STRBP: variants seen among roughly 807,000 people sequenced by gnomAD.
The protein encoded by STRBP is spermatid perinuclear RNA binding protein.
Under a neutral mutation model 80.1 loss-of-function variants are expected in STRBP, and 13 were observed. That is an observed-to-expected ratio of 0.16 (90% CI 0.11 to 0.26). The LOEUF (loss-of-function observed/expected upper bound fraction) is 0.26, where lower values mean the gene tolerates loss of function less well. Ranked by LOEUF, STRBP falls within the 10% of genes least tolerant of loss-of-function variation. The probability of loss-of-function intolerance (pLI) is 1.00; values close to 1 mark genes in which losing one functional copy is unlikely to be tolerated. For missense variants in STRBP, 485 were observed against 815.2 expected (o/e 0.59, Z 4.93); for synonymous variants, 284 against 291.2 (o/e 0.98, Z 0.25).
At chr9:123,244,313 G>A (rs1327802879) in intron 1 of STRBP, among the ~76,000 whole-genome samples, 1 of 152,182 alleles carries the variant, frequency 6.6e-6, no homozygotes, top group African/African-American at 2.4e-5. Context: ...GTACAGGAGG[G>A]CTGAACAGGT....
chr9:123,260,759 G>A (rs1429895251), intron 1 of STRBP, among the ~76,000 whole-genome samples: 1 of 152,132 alleles, frequency 6.6e-6, no homozygotes, highest in Non-Finnish European at 1.5e-5. Flanking sequence ...TTGTGAGTGA[G>A]GGCTGAGCAG....
At chr9:123,237,084 C>G (rs1247649264) in intron 1 of STRBP, 118 bp from the exon 2 acceptor site, 1 of 152,248 alleles carries the variant, frequency 6.6e-6, no homozygotes, top group African/African-American at 2.4e-5. Flanking sequence ...TAGTACAGAG[C>G]CGAGATTGAG....
intron 3 of STRBP, chr9:123,114,326 G>A (rs1292011585): frequency 6.0e-6 from 1 of 167,154 alleles, no homozygotes; most frequent in East Asian, 1.9e-4. Context: ...GGTCCTTTCC[G>A]TCCTTCAAGA....
chr9:123,215,093 C>A (rs1281750027), intron 2 of STRBP, among the ~76,000 whole-genome samples: 4 of 151,734 alleles, frequency 2.6e-5, no homozygotes, highest in Admixed American at 6.6e-5. Context: ...AAGAGATGGG[C>A]TCTTACTCTG....
Position 123,136,389 on chromosome 9 carries a change from C to T in STRBP, c.1624G>A (p.Val542Ile). 1.2e-6 allele frequency: 2 copies of T among 1,614,046 alleles called. No individual in the cohort carries two copies. The highest frequency in any genetic ancestry group is 1.7e-6 in the Non-Finnish European group (2 of 1,179,970). ...ETGGSHDKRFVMEVEVDGQKF... is the reference protein window; with the variant it reads ...ETGGSHDKRFIMEVEVDGQKF... ...TGTGTCTGGGTACACACCTCCATTA[C>T]AAAGCGCTTGTCATGGCTTCCACCA... Residue 542 changes from valine (V) to isoleucine (I), a missense_variant, in exon 15 of 19, where the codon GTA (valine) becomes ATA (isoleucine). Val to Ile is a conservative substitution (Grantham distance 29, BLOSUM62 3). This residue lies in a region of STRBP where 23 missense variants were observed against 79.0 expected (regional missense o/e 0.29). Coordinates refer to ENST00000348403, the MANE Select transcript of STRBP (RefSeq NM_018387.5). This position sits in a 1 kb window ranked among gnomAD's most constrained non-coding sequence, Gnocchi z 4.2.
intron 4 of STRBP, 41 bp from the exon 5 acceptor site, chr9:123,173,883 T>C (rs1588042976): frequency 6.4e-7 from 1 of 1,557,794 alleles, no homozygotes; most frequent in East Asian, 2.3e-5. Context: ...ACAACCTATT[T>C]CCCAAACTAT....
intron 1 of STRBP, among the ~76,000 whole-genome samples, chr9:123,247,154 GCTAT>G (rs2040816340): frequency 6.6e-6 from 1 of 152,116 alleles, no homozygotes; most frequent in Non-Finnish European, 1.5e-5. Context: ...CCCTCAAAAA[GCTAT>G]CCTTTGAAAA....
rs576176950 is a variant in STRBP at position 123,125,964 on chromosome 9, G to A, written c.1943-291C>T. Reference sequence around the variant, plus strand: ...TCTGAAAATCAAAAGCAATGCTATTGAATCATGTTCTAATCGACTGTAGAA... The same window carrying A: ...TCTGAAAATCAAAAGCAATGCTATTAAATCATGTTCTAATCGACTGTAGAA... On this transcript the variant is annotated intron_variant, in intron 18 of 18. Coordinates refer to ENST00000348403, the MANE Select transcript of STRBP (RefSeq NM_018387.5). Among the ~76,000 whole-genome samples the A allele has an allele frequency of 1.3e-4, 20 of 152,260 alleles. 1 individual carries two copies. In the East Asian group the frequency reaches 3.3e-3, roughly 25 times the overall value.
chr9:123,154,105 C>T (rs1277567699), intron 11 of STRBP, among the ~76,000 whole-genome samples: 1 of 152,102 alleles, frequency 6.6e-6, no homozygotes, highest in African/African-American at 2.4e-5. Context: ...GTATGTGCAA[C>T]CATTTACTAG....
In STRBP at chr9:123,136,175, C is replaced by A; in HGVS notation, c.1639G>T (p.Val547Leu). The change falls in exon 16 of 19, where the codon GTA becomes TTA. Residue 547 changes from valine to leucine, a missense_variant. Val to Leu is a conservative substitution (Grantham distance 32). Coordinates refer to ENST00000348403, the MANE Select transcript of STRBP (RefSeq NM_018387.5). The surrounding 1 kb of genome is among the most constrained non-coding windows in gnomAD (Gnocchi z 4.2). ...HDKRFVMEVEVDGQKFRGAGP... is the reference protein window; with the variant it reads ...HDKRFVMEVELDGQKFRGAGP... Reference sequence around the variant, plus strand: ...GCGCCTCTGAATTTCTGTCCATCTACTTCTACCTACAATCAAGAATAACAC... The same window carrying A: ...GCGCCTCTGAATTTCTGTCCATCTAATTCTACCTACAATCAAGAATAACAC... 1 of 1,614,192 alleles carries A rather than the reference C, an allele frequency of 6.2e-7. No individual in the cohort carries two copies. Among genetic ancestry groups the A allele is most frequent in the Non-Finnish European group, 8.5e-7 (1 of 1,180,022 alleles).
chr9:123,172,222 G>A (rs1256081984), intron 5 of STRBP, among the ~76,000 whole-genome samples: 1 of 152,180 alleles, frequency 6.6e-6, no homozygotes, highest in Non-Finnish European at 1.5e-5. Flanking sequence ...AGGGGGTGAG[G>A]TGGGTGAAAA....
chr9:123,256,924 T>C (rs771048632), intron 1 of STRBP, among the ~76,000 whole-genome samples: 3 of 152,002 alleles, frequency 2.0e-5, no homozygotes, highest in Non-Finnish European at 4.4e-5. Context: ...TGGTCAACAT[T>C]ATAATGAAAC....
At chr9:123,125,899 A>G (rs1486368479) in intron 18 of STRBP, among the ~76,000 whole-genome samples, 1 of 152,276 alleles carries the variant, frequency 6.6e-6, no homozygotes, top group East Asian at 1.9e-4. Context: ...CAGGATGGCT[A>G]CATCTAGGAA....
chr9:123,180,732 T>TA (rs146639432), intron 3 of STRBP: 2,185 of 172,566 alleles, frequency 0.013, 55 homozygotes, highest in African/African-American at 0.049. Flanking sequence ...CAAAAACCTT[T>TA]AAATTTTTCC....
chr9:123,234,720 G>C (rs908542552), intron 2 of STRBP, among the ~76,000 whole-genome samples: 1 of 152,178 alleles, frequency 6.6e-6, no homozygotes, highest in Non-Finnish European at 1.5e-5. Flanking sequence ...AGCACATTGG[G>C]AAGTTGAGGG....
At chr9:123,117,417 T>C (rs1259850070), downstream of STRBP, among the ~76,000 whole-genome samples, 1 of 151,992 alleles carries the variant, frequency 6.6e-6, no homozygotes, top group African/African-American at 2.4e-5. Context: ...GGTAAAGTGG[T>C]TACAGCAGCA....
At chr9:123,116,256 G>A (rs985414923) in intron 2 of STRBP, among the ~76,000 whole-genome samples, 2 of 152,132 alleles carry the variant, frequency 1.3e-5, no homozygotes, top group African/African-American at 4.8e-5. Context: ...AGCCAGGAAC[G>A]GAGGATGTGG....
At chr9:123,197,303 A>G (rs1220008094) in intron 2 of STRBP, among the ~76,000 whole-genome samples, 1 of 152,202 alleles carries the variant, frequency 6.6e-6, no homozygotes, top group African/African-American at 2.4e-5. Flanking sequence ...ATAGAAGGAA[A>G]ACAATCTAGT....
intron 2 of STRBP, among the ~76,000 whole-genome samples, chr9:123,196,352 C>G (rs573115075): frequency 6.6e-6 from 1 of 152,102 alleles, no homozygotes; most frequent in South Asian, 2.1e-4. Flanking sequence ...CAAAGGCCAC[C>G]AAGGCAAAAA....
Sources: gnomAD v4.1 joint callset for allele counts (sites outside exome capture counted in the v4.1 genomes callset) on GRCh38, gnomAD v4.1.1 for gene constraint, gnomAD v4.1.1 regional missense constraint, Gnocchi (gnomAD v3.1) non-coding constraint, MANE v1.5 for transcripts, NCBI Gene and HGNC (gene_info 2026-07-23, HGNC 2026-07-21) for gene names.